EPB41L4B: variants seen among roughly 807,000 people sequenced by gnomAD.
EPB41L4B encodes the protein erythrocyte membrane protein band 4.1 like 4B.
EPB41L4B carries 30 observed loss-of-function variants against 112.5 expected under a neutral mutation model. The observed-to-expected ratio is 0.27, with a 90% CI of 0.20 to 0.36. EPB41L4B has a LOEUF of 0.36. Ranked by LOEUF, EPB41L4B falls within the 10% of genes least tolerant of loss-of-function variation. The pLI is 1.00. For missense variants in EPB41L4B, 1,024 were observed against 1,133.3 expected (o/e 0.90, Z 1.38); for synonymous variants, 408 against 439.7 (o/e 0.93, Z 0.90).
chr9:109,210,308 G>C (rs1833122257), intron 17 of EPB41L4B, among the ~76,000 whole-genome samples: 1 of 152,160 alleles, frequency 6.6e-6, no homozygotes, highest in South Asian at 2.1e-4. Flanking sequence ...TGTAAATCCT[G>C]TTACATCAAG....
At chr9:109,236,467 T>C (rs527565779) in intron 15 of EPB41L4B, among the ~76,000 whole-genome samples, 41 of 150,806 alleles carry the variant, frequency 2.7e-4, no homozygotes, top group Middle Eastern at 6.8e-3. Flanking sequence ...AATTGAGGCA[T>C]TAAAATAACG....
intron 24 of EPB41L4B, among the ~76,000 whole-genome samples, chr9:109,181,655 A>T (rs928498604): frequency 2.0e-5 from 3 of 152,050 alleles, no homozygotes; most frequent in Non-Finnish European, 4.4e-5. Context: ...TAGGCAACAT[A>T]GTGAGACCTC....
chr9:109,304,224 C>G (rs1342369629), intron 1 of EPB41L4B, among the ~76,000 whole-genome samples: 2 of 152,198 alleles, frequency 1.3e-5, no homozygotes, highest in Non-Finnish European at 2.9e-5. Flanking sequence ...TGAAAAGAAA[C>G]CTTTACTTGG....
rs142837244 is a variant in EPB41L4B, at chr9:109,246,976, G to T, written c.1344+780C>A. ...TTGAGGCTAGCGTTTTTTTAAAAAA[G>T]ATATGAAGGGGCTGAGGCTAGTGTT... On this transcript the variant is annotated intron_variant, in intron 14 of 25. Coordinates refer to ENST00000374566, the MANE Select transcript of EPB41L4B (RefSeq NM_019114.5). 1.3e-3 allele frequency among the ~76,000 whole-genome samples: 205 copies of T among 152,206 alleles called. 1 individual carries two copies. Among genetic ancestry groups the T allele is most frequent in the African/African-American group, 4.8e-3 (199 of 41,520 alleles).
chr9:109,231,663 ATC>A (rs1176892778), intron 15 of EPB41L4B, among the ~76,000 whole-genome samples: 1 of 152,306 alleles, frequency 6.6e-6, no homozygotes, highest in East Asian at 1.9e-4. Context: ...ATGTGCTTCC[ATC>A]TCTGAGTCTG....
chr9:109,208,099 A>G, intron 17 of EPB41L4B, 50 bp from the exon 18 acceptor site: 2 of 1,609,560 alleles, frequency 1.2e-6, no homozygotes, highest in Non-Finnish European at 1.7e-6. Flanking sequence ...AGAGAGAACC[A>G]TGTGCATTAA....
intron 1 of EPB41L4B, among the ~76,000 whole-genome samples, chr9:109,293,545 G>A (rs560980202): frequency 6.6e-6 from 1 of 151,896 alleles, no homozygotes; most frequent in South Asian, 2.1e-4. Context: ...ACCACGCTCG[G>A]CTAATTTTTT....
intron 1 of EPB41L4B, among the ~76,000 whole-genome samples, chr9:109,311,893 C>T (rs1002542291): frequency 1.4e-4 from 21 of 152,146 alleles, no homozygotes; most frequent in Admixed American, 1.3e-3. Context: ...GGGATGATAA[C>T]GTGCACCTTC....
rs1327283639 is a variant in EPB41L4B, at chr9:109,294,854, A to G, written c.307-14933T>C. 3.9e-5 allele frequency among the ~76,000 whole-genome samples: 6 copies of G among 152,164 alleles called. No homozygotes were observed. The East Asian group carries it at 1.2e-3, about 29-fold the overall frequency. On this transcript the variant is annotated intron_variant, in intron 1 of 25. Coordinates refer to ENST00000374566, the MANE Select transcript of EPB41L4B (RefSeq NM_019114.5). ...TTCTCGATATTTTGTATATTTTTAA[A>G]TCTCCATAATAAACACTTAAAACAA...
chr9:109,297,428 C>A (rs1460471356), intron 1 of EPB41L4B, among the ~76,000 whole-genome samples: 2 of 152,234 alleles, frequency 1.3e-5, no homozygotes, highest in Non-Finnish European at 2.9e-5. Context: ...CCACTACTTA[C>A]AACCAGCATG....
rs543831191 is a variant in EPB41L4B at position 109,272,995 on chromosome 9, C to T, written c.412-4562G>A. ...TCCAGTACTCTAGGTTTCCACACCA[C>T]GGACTAGCCTAAAGTGCCTTCTCTG... is the stretch of plus-strand genomic sequence containing the variant. On this transcript the variant is annotated intron_variant, in intron 2 of 25. Coordinates refer to ENST00000374566, the MANE Select transcript of EPB41L4B (RefSeq NM_019114.5). 4.6e-5 allele frequency among the ~76,000 whole-genome samples: 7 copies of T among 152,232 alleles called. No homozygotes were observed. In the East Asian group the frequency reaches 9.7e-4, roughly 21 times the overall value.
intron 15 of EPB41L4B, among the ~76,000 whole-genome samples, chr9:109,223,571 C>G (rs961275345): frequency 2.0e-5 from 3 of 152,194 alleles, no homozygotes; most frequent in Non-Finnish European, 4.4e-5. Flanking sequence ...AAGCCAATCA[C>G]AGACTCTACA....
chr9:109,303,031 C>T (rs1588229608), intron 1 of EPB41L4B, among the ~76,000 whole-genome samples: 1 of 146,716 alleles, frequency 6.8e-6, no homozygotes, highest in Non-Finnish European at 1.5e-5. Context: ...CAGTGAGCCA[C>T]GACCATGCCA....
At chr9:109,219,437 T>G (rs1162225392) in intron 15 of EPB41L4B, among the ~76,000 whole-genome samples, 1 of 152,174 alleles carries the variant, frequency 6.6e-6, no homozygotes, top group Non-Finnish European at 1.5e-5. Context: ...CTCAGCTCAC[T>G]GCAAACTCCG....
intron 15 of EPB41L4B, among the ~76,000 whole-genome samples, chr9:109,227,154 G>C (rs1363948168): frequency 6.6e-6 from 1 of 151,944 alleles, no homozygotes; most frequent in East Asian, 1.9e-4. Context: ...TACTTTTATT[G>C]TTCTACTAAT....
chr9:109,263,989 T>C (rs1033981395), intron 5 of EPB41L4B, among the ~76,000 whole-genome samples: 3 of 152,012 alleles, frequency 2.0e-5, no homozygotes, highest in African/African-American at 7.2e-5. Flanking sequence ...AGACAATTTC[T>C]AGAGTTACAC....
chr9:109,204,494 T>C (rs965327587), intron 18 of EPB41L4B, among the ~76,000 whole-genome samples: 3 of 152,196 alleles, frequency 2.0e-5, no homozygotes, highest in Non-Finnish European at 2.9e-5. Context: ...TTTTTGTTTT[T>C]GATTTCTTTA....
At chr9:109,192,723 C>T (rs2118688860) in intron 21 of EPB41L4B, among the ~76,000 whole-genome samples, 1 of 152,258 alleles carries the variant, frequency 6.6e-6, no homozygotes, top group African/African-American at 2.4e-5. Context: ...CCAGGGTCCT[C>T]CAGGAGCTAA....
intron 1 of EPB41L4B, among the ~76,000 whole-genome samples, chr9:109,308,426 G>A (rs1381825208): frequency 1.3e-5 from 2 of 152,072 alleles, no homozygotes; most frequent in Non-Finnish European, 2.9e-5. Flanking sequence ...TAGGACAAAC[G>A]GCCTCACTTC....
Sources: allele counts gnomAD v4.1 joint callset (sites outside exome capture counted in the v4.1 genomes callset), GRCh38; gene constraint gnomAD v4.1.1; transcripts MANE v1.5; gene names NCBI Gene and HGNC (gene_info 2026-07-23, HGNC 2026-07-21).